HNRNPA1: variants seen among roughly 807,000 people sequenced by gnomAD.
The protein encoded by HNRNPA1 is heterogeneous nuclear ribonucleoprotein A1, also known as epididymis secretory sperm binding protein.
Under a neutral mutation model 44.4 loss-of-function variants are expected in HNRNPA1, and 7 were observed. That is an observed-to-expected ratio of 0.16 (90% confidence interval 0.09 to 0.30). HNRNPA1 has a LOEUF of 0.30. Ranked by LOEUF, HNRNPA1 falls within the 10% of genes least tolerant of loss-of-function variation. The pLI is 1.00. For synonymous variants in HNRNPA1, 169 were observed against 160.6 expected, an observed-to-expected ratio of 1.05 and a Z score of -0.40; for missense variants, 193 against 465.8, an observed-to-expected ratio of 0.41 and a Z score of 5.39.
In HNRNPA1 at chr12:54,284,259, T is replaced by G; in HGVS notation, c.1065T>G (p.Gly355=). The change falls in exon 10 of 11, where the codon GGT becomes GGG. Residue 355 remains glycine, a splice_region_variant and synonymous_variant. Transcript: ENST00000340913. Reference sequence around the variant, plus strand: ...TAAAAGAAAAATTGTACTTTTCAGGTGGCTATGGCGGTTCCAGCAGCAGCA... The same window carrying G: ...TAAAAGAAAAATTGTACTTTTCAGGGGGCTATGGCGGTTCCAGCAGCAGCA... ...GQYFAKPRNQ[G]GYGGSSSSSS... The G allele has an allele frequency of 6.2e-7, 1 of 1,613,772 alleles. No homozygotes were observed. Among genetic ancestry groups the G allele is most frequent in the Non-Finnish European group, 8.5e-7 (1 of 1,179,890 alleles).
At position 54,282,446 on chromosome 12, in the gene HNRNPA1, G is replaced by C. The variant is rs199763450; in HGVS notation, c.543G>C (p.Leu181=). ...ACAACTGTGAAGTTAGAAAAGCCCT[G>C]TCAAAGCAAGAGATGGCTAGTGCTT... The part of the protein sequence containing the change: ...NGHNCEVRKA[L]SKQEMASASS... The change falls in exon 5 of 11, where the codon CTG becomes CTC. Residue 181 remains leucine (L), a synonymous_variant. Coordinates refer to ENST00000340913, the MANE Select transcript of HNRNPA1 (RefSeq NM_031157.4). The C allele has an allele frequency of 1.9e-6, 3 of 1,613,548 alleles. No homozygotes were observed. The Admixed American group carries it at 5.0e-5, about 27-fold the overall frequency.
intron 1 of HNRNPA1, chr12:54,281,081 T>A (rs1167232100): frequency 1.4e-6 from 1 of 702,748 alleles, no homozygotes; most frequent in Admixed American, 2.0e-5. Flanking sequence ...TGTCTTTTTT[T>A]AAACCTTGCC....
Position 54,281,382 on chromosome 12 carries a change from C to G in HNRNPA1, c.16-4C>G, listed in dbSNP as rs1318434200. 2.0e-6 allele frequency: 3 copies of G among 1,534,880 alleles called. No individual in the cohort carries two copies. Among genetic ancestry groups the G allele is most frequent in the African/African-American group, 1.4e-5 (1 of 72,336 alleles). ...TTTAACACTTCCCCCTCCCCCCACT[C>G]TAGTCTCCTAAAGAGCCCGAACAGC... On this transcript the variant is annotated splice_polypyrimidine_tract_variant and splice_region_variant and intron_variant, in intron 1 of 10. Coordinates refer to ENST00000340913, the MANE Select transcript of HNRNPA1 (RefSeq NM_031157.4).
At chr12:54,282,046 G>T in intron 3 of HNRNPA1, 44 bp from the exon 4 acceptor site, 1 of 1,602,670 alleles carries the variant, frequency 6.2e-7, no homozygotes, top group Non-Finnish European at 8.5e-7. Flanking sequence ...TTTTATTCGA[G>T]TATAGGCTTT....
rs369321855 is a variant in HNRNPA1 at position 54,283,931 on chromosome 12, G to A, written c.1027G>A (p.Gly343Ser). The A allele has an allele frequency of 5.4e-5, 87 of 1,608,636 alleles. No homozygotes were observed. Among genetic ancestry groups the A allele is most frequent in the Non-Finnish European group, 7.0e-5 (83 of 1,180,012 alleles). ...FGGRSSGPYG[G>S]GGQYFAKPRN... is the part of the protein sequence containing the mutation. ...AGGCAGAAGCTCTGGCCCCTATGGC[G>A]GTGGAGGCCAATACTTTGCAAAACC... The change falls in exon 9 of 11, where the codon GGT becomes AGT. Residue 343 changes from glycine (G) to serine (S), a missense_variant. This residue lies in a region of HNRNPA1 where 136 missense variants were observed against 234.4 expected (regional missense o/e 0.58). Coordinates refer to ENST00000340913, the MANE Select transcript of HNRNPA1 (RefSeq NM_031157.4).
Position 54,281,400 on chromosome 12 carries a change from C to T in HNRNPA1, c.30C>T (p.Pro10=). The T allele has an allele frequency of 1.3e-6, 2 of 1,590,218 alleles. No individual in the cohort carries two copies. The highest frequency in any genetic ancestry group is 1.7e-6 in the Non-Finnish European group (2 of 1,162,142). MSKSESPKE[P]EQLRKLFIGG... Reference sequence around the variant, plus strand: ...CCCCACTCTAGTCTCCTAAAGAGCCCGAACAGCTGAGGAAGCTCTTCATTG... The same window carrying T: ...CCCCACTCTAGTCTCCTAAAGAGCCTGAACAGCTGAGGAAGCTCTTCATTG... Residue 10 remains proline (P), a synonymous_variant, in exon 2 of 11, where the codon CCC becomes CCT. Coordinates refer to ENST00000340913, the MANE Select transcript of HNRNPA1 (RefSeq NM_031157.4).
chr12:54,283,229 G>T lies in HNRNPA1; in HGVS notation c.902G>T (p.Gly301Val), dbSNP rs1451089561. The stretch of plus-strand genomic sequence containing the variant: ...GGAGGCGGAGGCGGCTTTGGCGGTG[G>T]TAGTGGTAGGTATCCAGTGATCCAA... ...NNGGGGGFGG[G>V]SGSNFGGGGS... Residue 301 changes from glycine (G) to valine (V), a missense_variant, in exon 8 of 11, where the codon GGT (glycine) becomes GTT (valine). Around this residue, in one of 2 missense-constraint regions of HNRNPA1, gnomAD observed 136 missense variants for 234.4 expected, o/e 0.58. Transcript: ENST00000340913. 2.5e-6 allele frequency: 4 copies of T among 1,611,162 alleles called. No homozygotes were observed. The highest frequency in any genetic ancestry group is 1.7e-6 in the Non-Finnish European group (2 of 1,178,646).
intron 8 of HNRNPA1, 134 bp from the exon 9 acceptor site, chr12:54,283,678 A>G: frequency 1.2e-6 from 1 of 852,536 alleles, no homozygotes; most frequent in South Asian, 1.6e-5. Flanking sequence ...AATGAAATGC[A>G]AAGATTGGAG....
intron 7 of HNRNPA1, 48 bp from the exon 8 acceptor site, chr12:54,283,031 T>A: frequency 6.3e-7 from 1 of 1,598,052 alleles, no homozygotes; most frequent in Non-Finnish European, 8.5e-7. Context: ...GCACAAGTTT[T>A]CATTGTCAAA....
chr12:54,283,731 AT>A (rs1944217469), intron 8 of HNRNPA1, 80 bp from the exon 9 acceptor site: 1 of 1,387,146 alleles, frequency 7.2e-7, no homozygotes, highest in Non-Finnish European at 1.0e-6. Context: ...ACTCAACCTT[AT>A]TTTATTCTGA....
intron 7 of HNRNPA1, 22 bp downstream of exon 7, chr12:54,282,896 A>G (rs1464776395): frequency 1.2e-5 from 18 of 1,539,382 alleles, no homozygotes; most frequent in Non-Finnish European, 1.4e-5. Flanking sequence ...AGGAATAAGT[A>G]GAGAAAAATT....
At chr12:54,283,519 C>G (rs1053853638) in intron 8 of HNRNPA1, among the ~76,000 whole-genome samples, 1 of 152,106 alleles carries the variant, frequency 6.6e-6, no homozygotes, top group African/African-American at 2.4e-5. Flanking sequence ...CAAGATACTT[C>G]TGCTTGCTGT....
chr12:54,286,331 A>G lies in HNRNPA1; in HGVS notation c.*1787A>G, dbSNP rs886860992. Reference sequence around the variant, plus strand: ...ACATCCATATAGTTACTTAAAGTCCAGTTTTCTGTTAAACATTTTTCTTAA... The same window carrying G: ...ACATCCATATAGTTACTTAAAGTCCGGTTTTCTGTTAAACATTTTTCTTAA... On this transcript the variant is annotated 3_prime_UTR_variant, in exon 11 of 11. Coordinates refer to ENST00000340913, the MANE Select transcript of HNRNPA1 (RefSeq NM_031157.4). The G allele has an allele frequency of 2.0e-5, 3 of 152,176 alleles. No homozygotes were observed. Among genetic ancestry groups the G allele is most frequent in the Non-Finnish European group, 4.4e-5 (3 of 68,026 alleles). 9.4% of individuals were successfully genotyped at this position (152,176 alleles called of 1,614,324 possible). A position where few individuals can be genotyped will look rare whatever the true frequency, so the allele number is the denominator to read the frequency against.
Position 54,284,848 on chromosome 12 carries a change from T to G in HNRNPA1, c.*304T>G. 3.1e-6 allele frequency: 1 copy of G among 322,916 alleles called. No homozygotes were observed. The highest frequency in any genetic ancestry group is 2.6e-5 in the South Asian group (1 of 38,722). The allele number at this position is 322,916 out of a possible 1,614,324, so 20.0% of individuals were successfully genotyped here. ...CTGTTGATTGCTAAATGTAACAGTC[T>G]GATCGTGACGCTGAATAAATGTCTT... is the stretch of plus-strand genomic sequence containing the variant. On this transcript the variant is annotated 3_prime_UTR_variant, in exon 11 of 11. Coordinates refer to ENST00000340913, the MANE Select transcript of HNRNPA1 (RefSeq NM_031157.4).
rs1341397955 is a variant in HNRNPA1 at position 54,285,846 on chromosome 12, G to T, written c.*1302G>T. The T allele has an allele frequency of 1.5e-5, 2 of 131,824 alleles. No individual in the cohort carries two copies. Among genetic ancestry groups the T allele is most frequent in the African/African-American group, 5.5e-5 (2 of 36,250 alleles). 8.2% of individuals were successfully genotyped at this position (131,824 alleles called of 1,614,324 possible). The stretch of plus-strand genomic sequence containing the variant: ...ACTGTATATTCCATCCCATGGGTGT[G>T]TTGGAAGTTTGGGGAGGAGGAGGGT... On this transcript the variant is annotated 3_prime_UTR_variant, in exon 11 of 11. Coordinates refer to ENST00000340913, the MANE Select transcript of HNRNPA1 (RefSeq NM_031157.4).
chr12:54,284,271 T>TGGAG lies in HNRNPA1; in HGVS notation c.1077_1078insGGAG (p.Ser360GlyfsTer7). On this transcript the variant is annotated frameshift_variant, in exon 10 of 11. Coordinates refer to ENST00000340913, the MANE Select transcript of HNRNPA1 (RefSeq NM_031157.4). LOFTEE classifies it high-confidence loss of function. ...TGTACTTTTCAGGTGGCTATGGCGG[T>TGGAG]TCCAGCAGCAGCAGTAGCTATGGCA... 1 of 1,613,916 alleles carries TGGAG rather than the reference T, an allele frequency of 6.2e-7. No individual in the cohort carries two copies. Among genetic ancestry groups the TGGAG allele is most frequent in the African/African-American group, 1.3e-5 (1 of 75,012 alleles).
chr12:54,284,389 C>A, intron 10 of HNRNPA1, 72 bp downstream of exon 10: 1 of 1,243,160 alleles, frequency 8.0e-7, no homozygotes, highest in Non-Finnish European at 1.2e-6. Context: ...CCTAATGTAG[C>A]TGAGCAGTGC....
At chr12:54,283,369 C>T (rs1944210294) in intron 8 of HNRNPA1, 135 bp downstream of exon 8, 2 of 980,094 alleles carry the variant, frequency 2.0e-6, no homozygotes, top group Non-Finnish European at 1.5e-6. Flanking sequence ...TATGCTACCT[C>T]CTCCTAGCTT....
At chr12:54,283,284 T>C (rs751012440) in intron 8 of HNRNPA1, 50 bp downstream of exon 8, 1 of 1,589,266 alleles carries the variant, frequency 6.3e-7, no homozygotes, top group Non-Finnish European at 8.6e-7. Context: ...GATTAGCCTT[T>C]TAGAGCTTGG....
Sources: allele counts gnomAD v4.1 joint callset (sites outside exome capture counted in the v4.1 genomes callset), GRCh38; gene constraint gnomAD v4.1.1; regional missense constraint gnomAD v4.1.1; transcripts MANE v1.5; gene names NCBI Gene and HGNC (gene_info 2026-07-23, HGNC 2026-07-21).